The following ME1 variants were observed in gnomAD, a reference collection of about 807,000 sequenced individuals.
ME1 encodes NADP-dependent malic enzyme.
In ME1, 74 loss-of-function variants were observed where a neutral mutation model predicts 66.4. The ratio of observed to expected loss-of-function variants is 1.11; its 90% CI spans 0.92 to 1.35. The LOEUF (loss-of-function observed/expected upper bound fraction) is 1.35. Among genes scored for constraint, ME1 ranks in the 40% most tolerant of loss-of-function variants. The pLI is 0.00. For synonymous variants in ME1, 251 were observed against 235.6 expected (o/e 1.07, Z -0.60); for missense variants, 750 against 694.1 (o/e 1.08, Z -0.90).
intron 3 of ME1, among the ~76,000 whole-genome samples, chr6:83,383,815 A>G (rs1225879018): frequency 6.6e-6 from 1 of 151,908 alleles, no homozygotes; most frequent in East Asian, 1.9e-4. Context: ...CTTTGCTTAG[A>G]AAAAAATAAA....
At chr6:83,314,916 G>C (rs969733959) in intron 6 of ME1, among the ~76,000 whole-genome samples, 3 of 152,062 alleles carry the variant, frequency 2.0e-5, no homozygotes, top group Non-Finnish European at 4.4e-5. Flanking sequence ...GACCATAAGA[G>C]AGTCAAATAC....
chr6:83,378,727 C>A lies in ME1; in HGVS notation c.362+19640G>T, dbSNP rs1769340908. Among the ~76,000 whole-genome samples the A allele has an allele frequency of 4.0e-5, 6 of 148,856 alleles. No homozygotes were observed. In the Admixed American group the frequency reaches 4.0e-4, roughly 10 times the overall value. ...ATGTGGCAGTTAGCAGATACTTGGA[C>A]AACAGAAATCCTTCATGTAACTCTC... On this transcript the variant is annotated intron_variant, in intron 3 of 13. Coordinates refer to ENST00000369705, the MANE Select transcript of ME1 (RefSeq NM_002395.6).
At chr6:83,266,517 C>T (rs1423887387) in intron 6 of ME1, among the ~76,000 whole-genome samples, 2 of 152,082 alleles carry the variant, frequency 1.3e-5, no homozygotes, top group African/African-American at 2.4e-5. Context: ...TTTCTTATGG[C>T]AGTATTATTG....
intron 6 of ME1, among the ~76,000 whole-genome samples, chr6:83,286,104 G>A (rs565815164): frequency 7.2e-5 from 11 of 152,210 alleles, no homozygotes; most frequent in South Asian, 4.1e-4. Context: ...CAGGAGTGTC[G>A]TGCACTGATT....
At chr6:83,340,735 G>A (rs1768563839) in intron 5 of ME1, among the ~76,000 whole-genome samples, 1 of 151,146 alleles carries the variant, frequency 6.6e-6, no homozygotes, top group African/African-American at 2.4e-5. Flanking sequence ...TTTAAAAACT[G>A]AAATGTTAAG....
chr6:83,246,386 C>T (rs1206090488), intron 7 of ME1, among the ~76,000 whole-genome samples: 1 of 152,094 alleles, frequency 6.6e-6, no homozygotes, highest in Non-Finnish European at 1.5e-5. Context: ...GCTGTAACCA[C>T]TTTCAACATT....
At chr6:83,313,183 C>T (rs1015448197) in intron 6 of ME1, among the ~76,000 whole-genome samples, 1 of 152,198 alleles carries the variant, frequency 6.6e-6, no homozygotes, top group African/African-American at 2.4e-5. Flanking sequence ...TTCACTACAA[C>T]TTCCCAATTT....
chr6:83,398,428 C>T lies in ME1; in HGVS notation c.301G>A (p.Val101Ile). 6.2e-7 allele frequency: 1 copy of T among 1,604,412 alleles called. No homozygotes were observed. The highest frequency in any genetic ancestry group is 8.5e-7 in the Non-Finnish European group (1 of 1,175,322). Residue 101 changes from valine to isoleucine, a missense_variant, in exon 3 of 14, where the codon GTT becomes ATT. Transcript: ENST00000369705. ...GCCAGACCCACAGTGGGAGTATAAA[C>T]AATAGGCATGAATTTCTCAATGTCA... ...TSDIEKFMPIVYTPTVGLACQ... is the reference protein window; with the variant it reads ...TSDIEKFMPIIYTPTVGLACQ...
At chr6:83,404,414 T>C (rs1269552864) in intron 2 of ME1, among the ~76,000 whole-genome samples, 1 of 152,150 alleles carries the variant, frequency 6.6e-6, no homozygotes, top group Admixed American at 6.6e-5. Flanking sequence ...TTTGTCAGAT[T>C]GACAGATTGC....
At position 83,407,804 on chromosome 6, in the gene ME1, A is replaced by G; in HGVS notation, c.176T>C (p.Val59Ala). The G allele has an allele frequency of 6.2e-7, 1 of 1,608,786 alleles. No homozygotes were observed. Among genetic ancestry groups the G allele is most frequent in the Non-Finnish European group, 8.5e-7 (1 of 1,178,766 alleles). Residue 59 changes from valine (V) to alanine (A), a missense_variant, in exon 2 of 14, where the codon GTA becomes GCA. Physicochemically the swap from Val to Ala is moderately conservative, Grantham distance 64 (BLOSUM62 0). Coordinates refer to ENST00000369705, the MANE Select transcript of ME1 (RefSeq NM_002395.6). ...NSQEIQVLRVVKNFEHLNSDF... is the reference protein window; with the variant it reads ...NSQEIQVLRVAKNFEHLNSDF... Reference sequence around the variant, plus strand: ...AGAGTTCAGATGCTCGAAATTTTTTACTACTCTAAGAACCTGGATCTCCTG... The same window carrying G: ...AGAGTTCAGATGCTCGAAATTTTTTGCTACTCTAAGAACCTGGATCTCCTG...
intron 3 of ME1, among the ~76,000 whole-genome samples, chr6:83,365,002 GCT>G (rs1195312056): frequency 1.3e-5 from 2 of 152,114 alleles, no homozygotes; most frequent in Non-Finnish European, 2.9e-5. Flanking sequence ...TCCCACTGGG[GCT>G]CTGTCACCTG....
chr6:83,322,787 A>C (rs376388432), intron 5 of ME1, among the ~76,000 whole-genome samples: 1 of 152,204 alleles, frequency 6.6e-6, no homozygotes, highest in African/African-American at 2.4e-5. Flanking sequence ...CAACACTCAA[A>C]TTCAGGAAAT....
intron 6 of ME1, among the ~76,000 whole-genome samples, chr6:83,305,150 C>T (rs1040216057): frequency 1.3e-5 from 2 of 152,116 alleles, no homozygotes; most frequent in Non-Finnish European, 2.9e-5. Context: ...CTTGTGTGGC[C>T]TCCCTTTAAG....
At chr6:83,253,273 C>T (rs1370669828) in intron 7 of ME1, among the ~76,000 whole-genome samples, 1 of 151,976 alleles carries the variant, frequency 6.6e-6, no homozygotes, top group Non-Finnish European at 1.5e-5. Flanking sequence ...TGGGGTAAAG[C>T]ATAAAAATTG....
intron 6 of ME1, among the ~76,000 whole-genome samples, chr6:83,286,786 G>A (rs927989544): frequency 3.9e-5 from 6 of 152,088 alleles, no homozygotes; most frequent in African/African-American, 1.2e-4. Flanking sequence ...CCTGAAGAAT[G>A]TATATTTATA....
chr6:83,392,990 G>C, intron 3 of ME1: 1 of 912,242 alleles, frequency 1.1e-6, no homozygotes, highest in South Asian at 1.4e-5. Context: ...GGAAACTGTG[G>C]GGTGACGGCC....
Position 83,216,519 on chromosome 6 carries a change from A to G in ME1, c.1527T>C (p.Val509=). The change falls in exon 13 of 14, where the codon GTT becomes GTC. Residue 509 remains valine, a synonymous_variant. Coordinates refer to ENST00000369705, the MANE Select transcript of ME1 (RefSeq NM_002395.6). The part of the protein sequence containing the change: ...LYPPLNTIRD[V]SLKIAEKIVK... The stretch of plus-strand genomic sequence containing the variant: ...TTACCTTTTCTGCAATTTTCAGAGA[A>G]ACATCTCTAATGGTATTCAAAGGAG... 2 of 1,605,820 alleles carry G rather than the reference A, an allele frequency of 1.2e-6. No homozygotes were observed. Among genetic ancestry groups the G allele is most frequent in the Non-Finnish European group, 1.7e-6 (2 of 1,177,592 alleles).
chr6:83,420,416 ATC>A (rs1325528737), intron 1 of ME1, among the ~76,000 whole-genome samples: 1 of 152,180 alleles, frequency 6.6e-6, no homozygotes, highest in Non-Finnish European at 1.5e-5. Context: ...CCATGAAGTG[ATC>A]CTGAAGATGA....
intron 6 of ME1, among the ~76,000 whole-genome samples, chr6:83,310,251 A>C (rs1767905955): frequency 6.6e-6 from 1 of 152,094 alleles, no homozygotes; most frequent in Admixed American, 6.5e-5. Flanking sequence ...TGACTAATTG[A>C]TGCAGGAATA....
Sources: allele counts gnomAD v4.1 joint callset (sites outside exome capture counted in the v4.1 genomes callset), GRCh38; gene constraint gnomAD v4.1.1; transcripts MANE v1.5; gene names NCBI Gene and HGNC (gene_info 2026-07-23, HGNC 2026-07-21).